ARK2N: variants seen among roughly 807,000 people sequenced by gnomAD.
ARK2N encodes protein ARK2N.
chr18:46,244,417 A>G, the ARK2N span, among the ~76,000 whole-genome samples: 3 of 151,968 alleles, frequency 2.0e-5, no homozygotes, highest in African/African-American at 7.3e-5. Flanking sequence ...TAGGGATGGT[A>G]ATCTTGATTT....
the ARK2N span, among the ~76,000 whole-genome samples, chr18:46,204,950 A>AT: frequency 9.5e-6 from 1 of 104,880 alleles, no homozygotes; most frequent in Non-Finnish European, 2.0e-5. Flanking sequence ...TATTTTTTTT[A>AT]TTTTTTATTT....
chr18:46,237,155 G>T, the ARK2N span, among the ~76,000 whole-genome samples: 2 of 151,806 alleles, frequency 1.3e-5, no homozygotes, highest in Non-Finnish European at 2.9e-5. Context: ...GAGCCACCAT[G>T]CTCAGTCAGC....
At chr18:46,194,200 C>T in the ARK2N span, among the ~76,000 whole-genome samples, 36 of 152,146 alleles carry the variant, frequency 2.4e-4, no homozygotes, top group Admixed American at 5.9e-4. Flanking sequence ...AGTTCTCCTG[C>T]GTTGGCCTCC....
the ARK2N span, among the ~76,000 whole-genome samples, chr18:46,235,799 AC>A: frequency 6.6e-6 from 1 of 152,224 alleles, no homozygotes; most frequent in African/African-American, 2.4e-5. Context: ...TGATTGTCAA[AC>A]CTGGAAAGGG....
chr18:46,231,931 T>G, the ARK2N span: 1 of 152,082 alleles, frequency 6.6e-6, no homozygotes, highest in Non-Finnish European at 1.5e-5. Context: ...ATTTTCTGTA[T>G]TTTTAGTAGA....
chr18:46,183,710 G>A, the ARK2N span, among the ~76,000 whole-genome samples: 2 of 151,926 alleles, frequency 1.3e-5, no homozygotes, highest in African/African-American at 4.8e-5. Context: ...TTTTATTTTA[G>A]TCCTAATCTT....
At chr18:46,195,773 G>A in the ARK2N span, among the ~76,000 whole-genome samples, 2 of 151,068 alleles carry the variant, frequency 1.3e-5, no homozygotes, top group Non-Finnish European at 3.0e-5. Context: ...ACAGAGCTTC[G>A]CCATGTTGGC....
At chr18:46,249,370 C>T in the ARK2N span, among the ~76,000 whole-genome samples, 2 of 152,128 alleles carry the variant, frequency 1.3e-5, no homozygotes, top group Non-Finnish European at 2.9e-5. Flanking sequence ...GCTGGGACTA[C>T]AGGCGCCCGC....
the ARK2N span, among the ~76,000 whole-genome samples, chr18:46,193,531 C>G: frequency 6.6e-6 from 1 of 150,424 alleles, no homozygotes; most frequent in Non-Finnish European, 1.5e-5. Flanking sequence ...TCAAGTGATC[C>G]ACCCACCTCG....
the ARK2N span, among the ~76,000 whole-genome samples, chr18:46,240,867 A>G: frequency 2.0e-5 from 3 of 152,204 alleles, no homozygotes; most frequent in South Asian, 2.1e-4. Flanking sequence ...TATTTTCTTC[A>G]AAAGTTTCTT....
At chr18:46,252,711 C>G in the ARK2N span, among the ~76,000 whole-genome samples, 1 of 152,108 alleles carries the variant, frequency 6.6e-6, no homozygotes, top group Non-Finnish European at 1.5e-5. Context: ...CTCATTGCAA[C>G]TCTGTTTATT....
the ARK2N span, among the ~76,000 whole-genome samples, chr18:46,195,393 G>A: frequency 1.3e-5 from 2 of 149,012 alleles, no homozygotes; most frequent in East Asian, 4.0e-4. Context: ...AGTCTCCCAG[G>A]TAGCAAGGAC....
chr18:46,221,132 T>A, the ARK2N span, among the ~76,000 whole-genome samples: 1 of 149,214 alleles, frequency 6.7e-6, no homozygotes, highest in Non-Finnish European at 1.5e-5. Context: ...CGAGACTCTG[T>A]CTCAAAAAAA....
At chr18:46,232,313 T>G in the ARK2N span, 1 of 152,222 alleles carries the variant, frequency 6.6e-6, no homozygotes, top group Non-Finnish European at 1.5e-5. Context: ...CCTTTTAAAT[T>G]AATTGTACCT....
the ARK2N span, among the ~76,000 whole-genome samples, chr18:46,176,682 A>G: frequency 6.6e-6 from 1 of 151,526 alleles, no homozygotes; most frequent in Non-Finnish European, 1.5e-5. Flanking sequence ...CTGGAGTGCA[A>G]TCTCCACTCA....
chr18:46,259,554 T>A, the ARK2N span, among the ~76,000 whole-genome samples: 1 of 152,078 alleles, frequency 6.6e-6, no homozygotes, highest in African/African-American at 2.4e-5. Context: ...TCTGCACTAC[T>A]TTCTAATTAC....
the ARK2N span, among the ~76,000 whole-genome samples, chr18:46,200,311 CGTTTG>C: frequency 1.4e-5 from 2 of 146,692 alleles, no homozygotes; most frequent in African/African-American, 5.5e-5. Context: ...TTTGTTTGTT[CGTTTG>C]TTTTTTTTTA....
At chr18:46,244,239 T>G in the ARK2N span, among the ~76,000 whole-genome samples, 1 of 152,118 alleles carries the variant, frequency 6.6e-6, no homozygotes, top group Non-Finnish European at 1.5e-5. Context: ...ACAAATGTAG[T>G]TGGGGCAAGA....
chr18:46,246,165 C>T, the ARK2N span, among the ~76,000 whole-genome samples: 3 of 152,154 alleles, frequency 2.0e-5, no homozygotes, highest in Admixed American at 1.3e-4. Flanking sequence ...AACCTCATAG[C>T]ATCTTTGGCT....
Sources: gnomAD v4.1 joint callset for allele counts (sites outside exome capture counted in the v4.1 genomes callset) on GRCh38, gnomAD v4.1.1 for gene constraint, MANE v1.5 for transcripts, NCBI Gene and HGNC (gene_info 2026-07-23, HGNC 2026-07-21) for gene names.